The following KCNH8 variants were observed in gnomAD, a reference collection of about 807,000 sequenced individuals.
KCNH8 encodes voltage-gated delayed rectifier potassium channel KCNH8.
KCNH8 carries 70 observed loss-of-function variants against 103.6 expected under a neutral mutation model. That is an observed-to-expected ratio of 0.68 (90% CI 0.56 to 0.82). The LOEUF is 0.82. Among genes scored for constraint, KCNH8 ranks in the 40% least tolerant of loss-of-function variants. The pLI, the probability that KCNH8 is intolerant of heterozygous loss-of-function variation, is 0.00. For missense variants in KCNH8, 1,217 were observed against 1,329.9 expected, an observed-to-expected ratio of 0.92 and a Z score of 1.32; for synonymous variants, 498 against 489.4, an observed-to-expected ratio of 1.02 and a Z score of -0.23.
chr3:19,253,621 G>C, intron 1 of KCNH8, 33 bp from the exon 2 acceptor site: 1 of 1,470,722 alleles, frequency 6.8e-7, no homozygotes, highest in East Asian at 2.3e-5. Flanking sequence ...CACTTATCTA[G>C]TTGCTGAGTA....
At chr3:19,188,746 A>T (rs1033960559) in intron 1 of KCNH8, among the ~76,000 whole-genome samples, 4 of 152,076 alleles carry the variant, frequency 2.6e-5, no homozygotes, top group Admixed American at 6.6e-5. Context: ...AGCTTTTTTA[A>T]AAAATAAATA....
intron 1 of KCNH8, among the ~76,000 whole-genome samples, chr3:19,230,863 T>G (rs1285573215): frequency 1.3e-5 from 2 of 152,216 alleles, no homozygotes; most frequent in African/African-American, 2.4e-5. Context: ...AAATTTGCAA[T>G]ATGTGCCAAG....
At chr3:19,408,513 C>T (rs1258237810) in intron 7 of KCNH8, among the ~76,000 whole-genome samples, 1 of 151,924 alleles carries the variant, frequency 6.6e-6, no homozygotes, top group Non-Finnish European at 1.5e-5. Flanking sequence ...TGGTCACTAT[C>T]CAAAATAGAA....
intron 7 of KCNH8, among the ~76,000 whole-genome samples, chr3:19,430,132 G>A (rs1363180456): frequency 6.6e-6 from 1 of 152,142 alleles, no homozygotes. Flanking sequence ...TCCATCTTGA[G>A]TTCACTTTGT....
chr3:19,507,971 G>T (rs1294360498), intron 11 of KCNH8, among the ~76,000 whole-genome samples: 1 of 152,176 alleles, frequency 6.6e-6, no homozygotes, highest in African/African-American at 2.4e-5. Flanking sequence ...ATGAAGGGAA[G>T]TTGATTTTAT....
At chr3:19,398,330 G>T (rs562502989) in intron 7 of KCNH8, among the ~76,000 whole-genome samples, 1 of 152,026 alleles carries the variant, frequency 6.6e-6, no homozygotes, top group South Asian at 2.1e-4. Context: ...AATCTAACTA[G>T]AATATCATCA....
At chr3:19,311,509 A>G (rs908090859) in intron 3 of KCNH8, among the ~76,000 whole-genome samples, 39 of 151,350 alleles carry the variant, frequency 2.6e-4, no homozygotes, top group African/African-American at 9.2e-4. Context: ...ATATTTAATT[A>G]TTTTTACTGT....
intron 12 of KCNH8, among the ~76,000 whole-genome samples, chr3:19,512,683 C>G (rs1032165418): frequency 4.6e-5 from 7 of 152,016 alleles, no homozygotes; most frequent in Non-Finnish European, 1.0e-4. Context: ...TGGTATAATG[C>G]ACCTTTCACG....
chr3:19,236,531 G>C (rs555853729), intron 1 of KCNH8, among the ~76,000 whole-genome samples: 10 of 152,218 alleles, frequency 6.6e-5, no homozygotes, highest in African/African-American at 1.4e-4. Flanking sequence ...TGGAGTAAGA[G>C]GGCACTGGTT....
intron 5 of KCNH8, among the ~76,000 whole-genome samples, chr3:19,351,316 A>G (rs2065798530): frequency 6.6e-6 from 1 of 152,138 alleles, no homozygotes; most frequent in Non-Finnish European, 1.5e-5. Flanking sequence ...GCTCTTCAGG[A>G]TATTATCCAG....
At chr3:19,514,840 A>C (rs2068846347) in intron 13 of KCNH8, among the ~76,000 whole-genome samples, 1 of 151,918 alleles carries the variant, frequency 6.6e-6, no homozygotes, top group South Asian at 2.1e-4. Context: ...CATACCTTAA[A>C]GTTTTGAATC....
At chr3:19,432,027 A>AACTT (rs1553598383) in intron 7 of KCNH8, among the ~76,000 whole-genome samples, 1 of 151,528 alleles carries the variant, frequency 6.6e-6, no homozygotes, top group Non-Finnish European at 1.5e-5. Context: ...TTATTTTTTA[A>AACTT]CTGCTAGTTT....
chr3:19,528,616 A>G (rs1030724463), intron 15 of KCNH8, among the ~76,000 whole-genome samples: 2 of 152,098 alleles, frequency 1.3e-5, no homozygotes, highest in Non-Finnish European at 2.9e-5. Context: ...TTTAGTATAT[A>G]TACTTGGAAT....
intron 11 of KCNH8, among the ~76,000 whole-genome samples, chr3:19,463,945 A>G (rs1407598448): frequency 6.6e-6 from 1 of 151,954 alleles, no homozygotes; most frequent in Non-Finnish European, 1.5e-5. Flanking sequence ...TATTGACAAG[A>G]TAAGAAACAG....
At chr3:19,490,132 C>A (rs1485063839) in intron 11 of KCNH8, among the ~76,000 whole-genome samples, 3 of 152,218 alleles carry the variant, frequency 2.0e-5, no homozygotes, top group East Asian at 1.9e-4. Context: ...TGGCCGGAGT[C>A]CCCCGCAGGG....
At chr3:19,450,560 A>C (rs1220360972) in intron 9 of KCNH8, 4 of 472,302 alleles carry the variant, frequency 8.5e-6, no homozygotes, top group African/African-American at 2.0e-5. Flanking sequence ...TTTCCTTCTT[A>C]TTGTCTCTTT....
At chr3:19,461,112 T>G (rs1399710950) in intron 11 of KCNH8, among the ~76,000 whole-genome samples, 4 of 152,188 alleles carry the variant, frequency 2.6e-5, no homozygotes, top group Admixed American at 1.3e-4. Flanking sequence ...TACTTTTGAT[T>G]GGAGGGTTAG....
At chr3:19,440,193 A>G (rs928321740) in intron 8 of KCNH8, among the ~76,000 whole-genome samples, 2 of 152,160 alleles carry the variant, frequency 1.3e-5, no homozygotes, top group African/African-American at 2.4e-5. Flanking sequence ...ATTTTACATA[A>G]TTTTTTAAAA....
chr3:19,524,757 G>A (rs918700968), intron 15 of KCNH8, among the ~76,000 whole-genome samples: 7 of 151,896 alleles, frequency 4.6e-5, no homozygotes, highest in Admixed American at 1.3e-4. Flanking sequence ...TATCAGTAAG[G>A]GCCCAAGTAA....
Sources: allele counts gnomAD v4.1 joint callset (sites outside exome capture counted in the v4.1 genomes callset), GRCh38; gene constraint gnomAD v4.1.1; transcripts MANE v1.5; gene names NCBI Gene and HGNC (gene_info 2026-07-23, HGNC 2026-07-21).